Variants in AHNAK observed in about 807,000 individuals in gnomAD.
AHNAK encodes the protein AHNAK nucleoprotein.
In AHNAK, 23 loss-of-function variants were observed where a neutral mutation model predicts 37.8. That is an observed-to-expected ratio of 0.61 (90% confidence interval 0.44 to 0.86). AHNAK has a LOEUF of 0.86. AHNAK is among the 40% of genes least tolerant of loss of function. AHNAK has a pLI of 0.00. For missense variants in AHNAK, 7,411 were observed against 7,319.4 expected (o/e 1.01, Z -0.46); for synonymous variants, 2,481 against 2,636.3 (o/e 0.94, Z 1.80).
intron 5 of AHNAK, among the ~76,000 whole-genome samples, chr11:62,481,116 T>G (rs1366070513): frequency 6.9e-6 from 1 of 144,986 alleles, no homozygotes; most frequent in African/African-American, 2.5e-5. Flanking sequence ...TTTTTTTTTG[T>G]TTTTTTGAGA....
intron 4 of AHNAK, among the ~76,000 whole-genome samples, chr11:62,501,424 A>G (rs1939709593): frequency 6.6e-6 from 1 of 152,140 alleles, no homozygotes; most frequent in African/African-American, 2.4e-5. Context: ...AAAATTAGCC[A>G]GGCAGGGTAG....
intron 5 of AHNAK, among the ~76,000 whole-genome samples, chr11:62,447,895 A>C (rs1237459831): frequency 6.6e-6 from 1 of 152,142 alleles, no homozygotes; most frequent in Non-Finnish European, 1.5e-5. Context: ...TAAGATGAAC[A>C]ACTAAAAAAT....
At position 62,529,949 on chromosome 11, in the gene AHNAK, G is replaced by A; in HGVS notation, c.4468C>T (p.Pro1490Ser). Residue 1490 changes from proline (P) to serine (S), a missense_variant, in exon 5 of 5, where the codon CCC becomes TCC. Pro to Ser is a moderately conservative substitution (Grantham distance 74, BLOSUM62 -1). Transcript: ENST00000378024. The part of the protein sequence containing the change: ...IKAPDVDIKG[P>S]KVDINAPDVE... ...TCTGGTGCATTAATATCAACTTTGG[G>A]GCCTTTGATGTCAACATCAGGAGCT... The A allele has an allele frequency of 6.2e-7, 1 of 1,612,554 alleles. No individual in the cohort carries two copies. The highest frequency in any genetic ancestry group is 1.1e-5 in the South Asian group (1 of 91,000).
chr11:62,465,576 G>A (rs1442572492), intron 5 of AHNAK, among the ~76,000 whole-genome samples: 1 of 152,018 alleles, frequency 6.6e-6, no homozygotes, highest in Non-Finnish European at 1.5e-5. Context: ...TCGTGCCATT[G>A]CACTCCAGCT....
intron 5 of AHNAK, among the ~76,000 whole-genome samples, chr11:62,441,260 C>T (rs941225095): frequency 6.6e-6 from 1 of 151,908 alleles, no homozygotes; most frequent in Non-Finnish European, 1.5e-5. Context: ...CCTTGGCCTC[C>T]CAAAGTGCTG....
chr11:62,460,708 T>A (rs919308193), intron 5 of AHNAK, among the ~76,000 whole-genome samples: 2 of 152,212 alleles, frequency 1.3e-5, no homozygotes, highest in Non-Finnish European at 2.9e-5. Flanking sequence ...TGGAATCAAC[T>A]GCTGAGATCC....
At chr11:62,468,132 T>A (rs984826822) in intron 5 of AHNAK, among the ~76,000 whole-genome samples, 1 of 152,116 alleles carries the variant, frequency 6.6e-6, no homozygotes, top group African/African-American at 2.4e-5. Flanking sequence ...CGTTATCACT[T>A]GAGGTCAGGA....
Position 62,519,981 on chromosome 11 carries a change from C to A in AHNAK, c.14436G>T (p.Ser4812=). 1 of 1,605,872 alleles carries A rather than the reference C, an allele frequency of 6.2e-7. No homozygotes were observed. The highest frequency in any genetic ancestry group is 8.5e-7 in the Non-Finnish European group (1 of 1,176,966). The change falls in exon 5 of 5, where the codon TCG becomes TCT. Residue 4812 remains serine (S), a synonymous_variant. Transcript: ENST00000378024. The part of the protein sequence containing the change: ...VSLPKADIDV[S]GPKVDVDIPD... ...GAATATCAACGTCCACCTTGGGTCC[C>A]GAGACATCGATGTCGGCCTTGGGCA...
chr11:62,499,740 C>T (rs533700161), intron 4 of AHNAK, among the ~76,000 whole-genome samples: 12 of 152,210 alleles, frequency 7.9e-5, no homozygotes, highest in South Asian at 2.1e-4. Context: ...CATGAGGCCA[C>T]GTAGAATGAT....
intron 1 of AHNAK, among the ~76,000 whole-genome samples, chr11:62,544,746 G>A (rs1025166262): frequency 5.9e-5 from 9 of 152,270 alleles, no homozygotes; most frequent in African/African-American, 1.9e-4. Context: ...GAAAGGAAGT[G>A]AGTGCCACAC....
At position 62,527,196 on chromosome 11, in the gene AHNAK, A is replaced by G; in HGVS notation, c.7221T>C (p.Asp2407=). 2 of 1,611,448 alleles carry G rather than the reference A, an allele frequency of 1.2e-6. No individual in the cohort carries two copies. Among genetic ancestry groups the G allele is most frequent in the African/African-American group, 2.7e-5 (2 of 74,862 alleles). Residue 2407 remains aspartate (D), a synonymous_variant, in exon 5 of 5, where the codon GAT becomes GAC. Transcript: ENST00000378024. ...SPKAKGEVDV[D]VPKLEGDLKG... is the part of the protein sequence containing the mutation. ...TAAGGTCCCCTTCCAATTTGGGAAC[A>G]TCTACATCCACCTCTCCTTTTGCCT...
rs747318534 is a variant in AHNAK at position 62,529,774 on chromosome 11, A to G, written c.4643T>C (p.Ile1548Thr). 4.3e-6 allele frequency: 7 copies of G among 1,613,962 alleles called. No homozygotes were observed. Among genetic ancestry groups the G allele is most frequent in the Non-Finnish European group, 5.9e-6 (7 of 1,180,018 alleles). ...TTCAAGATTCACATCTGGAACATCA[A>G]TGTCCACCTTGGGTCCTGAAACACC... is the stretch of plus-strand genomic sequence containing the variant. ...DLGVSGPKVD[I>T]DVPDVNLEAP... The change falls in exon 5 of 5, where the codon ATT becomes ACT. Residue 1548 changes from isoleucine to threonine, a missense_variant. Physicochemically the swap from Ile to Thr is moderately conservative, Grantham distance 89. Transcript: ENST00000378024.
At chr11:62,445,287 T>C (rs900560680) in intron 5 of AHNAK, among the ~76,000 whole-genome samples, 9 of 152,322 alleles carry the variant, frequency 5.9e-5, no homozygotes, top group African/African-American at 2.2e-4. Flanking sequence ...ATGCACTATT[T>C]TTTTTTCTGT....
intron 5 of AHNAK, among the ~76,000 whole-genome samples, chr11:62,450,558 A>C (rs374921259): frequency 2.0e-5 from 3 of 152,174 alleles, no homozygotes; most frequent in Non-Finnish European, 2.9e-5. Context: ...CTGCCCCCAG[A>C]CATAAGACTT....
intron 5 of AHNAK, among the ~76,000 whole-genome samples, chr11:62,445,887 G>C (rs138702321): frequency 4.9e-4 from 75 of 151,764 alleles, no homozygotes; most frequent in African/African-American, 1.7e-3. Context: ...GTGGTAGCGG[G>C]TGCCTGTAGT....
intron 4 of AHNAK, among the ~76,000 whole-genome samples, chr11:62,496,680 A>G (rs1036616932): frequency 6.6e-6 from 1 of 152,116 alleles, no homozygotes; most frequent in African/African-American, 2.4e-5. Context: ...CTGTAGTCCC[A>G]GCTACTCGGT....
intron 5 of AHNAK, among the ~76,000 whole-genome samples, chr11:62,468,263 G>A (rs1043399220): frequency 3.3e-5 from 5 of 151,848 alleles, no homozygotes; most frequent in African/African-American, 9.7e-5. Context: ...CAGGAGAATC[G>A]CTTGAACCTG....
chr11:62,540,732 G>A (rs1941095510), intron 1 of AHNAK, among the ~76,000 whole-genome samples: 1 of 152,212 alleles, frequency 6.6e-6, no homozygotes, highest in Non-Finnish European at 1.5e-5. Context: ...ACTGCTTGGA[G>A]GGCAGAAAAG....
rs373261560 is a variant in AHNAK at position 62,463,849 on chromosome 11, C to T, written c.442+27883G>A. Among the ~76,000 whole-genome samples, 85 of 152,044 alleles carry T rather than the reference C, an allele frequency of 5.6e-4. 2 individuals are homozygous for T. The South Asian group carries it at 0.013, about 23-fold the overall frequency. On this transcript the variant is annotated intron_variant, in intron 5 of 5. Coordinates refer to the AHNAK transcript ENST00000257247. ...TACGATCTCGGCTCACTGCAACCTC[C>T]GCCTCCCAGGTTCAAACAATTCTCC...
Sources: gnomAD v4.1 joint callset for allele counts (sites outside exome capture counted in the v4.1 genomes callset) on GRCh38, gnomAD v4.1.1 for gene constraint, MANE v1.5 for transcripts, NCBI Gene and HGNC (gene_info 2026-07-23, HGNC 2026-07-21) for gene names.